The following SLC13A3 variants were observed in gnomAD, a reference collection of about 807,000 sequenced individuals.
SLC13A3 encodes the protein solute carrier family 13 member 3, also known as Na(+)/dicarboxylate cotransporter 3.
SLC13A3 carries 40 observed loss-of-function variants against 59.0 expected under a neutral mutation model. That is an observed-to-expected ratio of 0.68 (90% confidence interval 0.53 to 0.88). The LOEUF is 0.88. SLC13A3 is among the 40% of genes least tolerant of loss of function. SLC13A3 has a pLI of 0.00. For synonymous variants in SLC13A3, 317 were observed against 330.3 expected (o/e 0.96, Z 0.44); for missense variants, 699 against 783.2 (o/e 0.89, Z 1.28).
In SLC13A3 at chr20:46,577,675, C is replaced by T. The variant is rs574478338; in HGVS notation, c.1220-1990G>A. On this transcript the variant is annotated intron_variant, in intron 9 of 12. Coordinates refer to ENST00000279027, the MANE Select transcript of SLC13A3 (RefSeq NM_022829.6). ...TTTATTGTTTTCCCATCCAACCATG[C>T]CTTTGCTGCTATTTCTCATAAGCAC... is the stretch of plus-strand genomic sequence containing the variant. Among the ~76,000 whole-genome samples, 7 of 152,328 alleles carry T rather than the reference C, an allele frequency of 4.6e-5. No homozygotes were observed. The South Asian group carries it at 1.5e-3, about 32-fold the overall frequency.
intron 1 of SLC13A3, among the ~76,000 whole-genome samples, chr20:46,631,676 A>G (rs2062739301): frequency 6.6e-6 from 1 of 152,118 alleles, no homozygotes; most frequent in Non-Finnish European, 1.5e-5. Flanking sequence ...GCTTTCTTAT[A>G]GGAAGCCTTA....
chr20:46,561,353 G>C (rs1000423775), intron 12 of SLC13A3, among the ~76,000 whole-genome samples: 5 of 152,126 alleles, frequency 3.3e-5, no homozygotes, highest in Non-Finnish European at 2.9e-5. Flanking sequence ...TGTCACAGGC[G>C]TATGTCCTTA....
At position 46,638,735 on chromosome 20, in the gene SLC13A3, G is replaced by C. The variant is rs567193678; in HGVS notation, c.111+12576C>G. On this transcript the variant is annotated intron_variant, in intron 1 of 12. Coordinates refer to ENST00000279027, the MANE Select transcript of SLC13A3 (RefSeq NM_022829.6). Reference sequence around the variant, plus strand: ...GGACCATGCCTGCCTCCACGTGTCAGAGAGATCAAAGGAACTAATGCATTT... The same window carrying C: ...GGACCATGCCTGCCTCCACGTGTCACAGAGATCAAAGGAACTAATGCATTT... 5.9e-5 allele frequency among the ~76,000 whole-genome samples: 9 copies of C among 152,340 alleles called. No individual in the cohort carries two copies. The East Asian group carries it at 1.7e-3, about 29-fold the overall frequency.
intron 1 of SLC13A3, among the ~76,000 whole-genome samples, chr20:46,626,282 C>G (rs1024299017): frequency 4.7e-5 from 7 of 150,194 alleles, no homozygotes; most frequent in African/African-American, 1.7e-4. Flanking sequence ...CTCCCTCCTC[C>G]TCCCTTTCTC....
chr20:46,595,497 A>G (rs1047126776), intron 5 of SLC13A3, among the ~76,000 whole-genome samples: 2 of 152,106 alleles, frequency 1.3e-5, no homozygotes, highest in African/African-American at 4.8e-5. Flanking sequence ...GACCCTGCTT[A>G]TGGTTGGAAG....
intron 1 of SLC13A3, among the ~76,000 whole-genome samples, chr20:46,678,237 G>T (rs1325740989): frequency 6.6e-6 from 1 of 152,196 alleles, no homozygotes; most frequent in East Asian, 1.9e-4. Context: ...GAAGGGGCTG[G>T]AGTTAGTCTG....
chr20:46,643,723 G>T (rs913450696), intron 1 of SLC13A3, among the ~76,000 whole-genome samples: 1 of 152,180 alleles, frequency 6.6e-6, no homozygotes, highest in Non-Finnish European at 1.5e-5. Context: ...TAGCTGTCAA[G>T]AGATTAAATG....
intron 1 of SLC13A3, among the ~76,000 whole-genome samples, chr20:46,625,946 T>C (rs913034593): frequency 6.6e-6 from 1 of 152,210 alleles, no homozygotes; most frequent in Non-Finnish European, 1.5e-5. Flanking sequence ...TTGGGGCTAC[T>C]ATGGAAAAAG....
At chr20:46,594,017 C>G (rs968624370) in intron 5 of SLC13A3, among the ~76,000 whole-genome samples, 1 of 152,044 alleles carries the variant, frequency 6.6e-6, no homozygotes, top group African/African-American at 2.4e-5. Flanking sequence ...CAAAGGACCA[C>G]TCAGGGCAAT....
At chr20:46,585,732 C>T (rs1175091583) in intron 8 of SLC13A3, 4 of 1,296,662 alleles carry the variant, frequency 3.1e-6, no homozygotes, top group Non-Finnish European at 4.1e-6. Context: ...GCTTATAATG[C>T]CCATTTTGCA....
chr20:46,595,755 C>T (rs1406593426), intron 5 of SLC13A3, among the ~76,000 whole-genome samples: 2 of 152,166 alleles, frequency 1.3e-5, no homozygotes, highest in East Asian at 3.9e-4. Flanking sequence ...AGCTACTCCC[C>T]ACTGTCGGCA....
intron 5 of SLC13A3, among the ~76,000 whole-genome samples, chr20:46,595,067 C>T (rs2062297170): frequency 6.6e-6 from 1 of 152,176 alleles, no homozygotes. Flanking sequence ...GTATTTGCAG[C>T]CACGTTGAAT....
At chr20:46,571,998 G>A (rs1029071859) in intron 10 of SLC13A3, among the ~76,000 whole-genome samples, 11 of 152,172 alleles carry the variant, frequency 7.2e-5, no homozygotes, top group African/African-American at 2.4e-4. Flanking sequence ...ACAGCTTTCT[G>A]TGTTGGCCAA....
At chr20:46,576,771 A>T (rs1405654665) in intron 9 of SLC13A3, among the ~76,000 whole-genome samples, 2 of 152,208 alleles carry the variant, frequency 1.3e-5, no homozygotes, top group African/African-American at 4.8e-5. Context: ...ATCTCCCAGG[A>T]CACTTCCTGG....
chr20:46,592,353 A>G, intron 6 of SLC13A3, 51 bp downstream of exon 6: 1 of 1,607,678 alleles, frequency 6.2e-7, no homozygotes. Context: ...GAGGTTAGAA[A>G]CGCCATTCCC....
At chr20:46,584,591 A>T in intron 8 of SLC13A3, 2 of 686,010 alleles carry the variant, frequency 2.9e-6, no homozygotes, top group Non-Finnish European at 3.6e-6. Context: ...ATGCAGATCA[A>T]AACACTAATG....
At chr20:46,650,316 GCT>G (rs2062940162) in intron 1 of SLC13A3, among the ~76,000 whole-genome samples, 1 of 152,156 alleles carries the variant, frequency 6.6e-6, no homozygotes, top group African/African-American at 2.4e-5. Flanking sequence ...ATAGTCACTT[GCT>G]GTGTGACTCT....
At position 46,560,448 on chromosome 20, in the gene SLC13A3, C is replaced by T. The variant is rs114335725; in HGVS notation, c.1633-250G>A. Reference sequence around the variant, plus strand: ...TCTAGGTTCCAGGCACTGTGTGCTACGCAGTTGTCACAGGGTTATGCTGTT... The same window carrying T: ...TCTAGGTTCCAGGCACTGTGTGCTATGCAGTTGTCACAGGGTTATGCTGTT... On this transcript the variant is annotated intron_variant, in intron 12 of 12. Transcript: ENST00000279027. Among the ~76,000 whole-genome samples the T allele has an allele frequency of 4.3e-3, 654 of 152,270 alleles. 5 individuals carry two copies. Among genetic ancestry groups the T allele is most frequent in the African/African-American group, 0.015 (620 of 41,544 alleles).
chr20:46,598,705 C>G (rs2062341276), intron 4 of SLC13A3, among the ~76,000 whole-genome samples: 3 of 152,148 alleles, frequency 2.0e-5, no homozygotes, highest in Admixed American at 2.0e-4. Context: ...CCCTCTCCTG[C>G]TAAAATCTCC....
Sources: allele counts gnomAD v4.1 joint callset (sites outside exome capture counted in the v4.1 genomes callset), GRCh38; gene constraint gnomAD v4.1.1; transcripts MANE v1.5; gene names NCBI Gene and HGNC (gene_info 2026-07-23, HGNC 2026-07-21).